CAMSAP2: variants seen among roughly 807,000 people sequenced by gnomAD.
CAMSAP2 encodes the protein calmodulin-regulated spectrin-associated protein 2.
In CAMSAP2, 26 loss-of-function variants were observed where a neutral mutation model predicts 146.1. The observed-to-expected ratio is 0.18, with a 90% CI of 0.13 to 0.25. The LOEUF (loss-of-function observed/expected upper bound fraction) is 0.25. Among genes scored for constraint, CAMSAP2 ranks in the 10% least tolerant of loss-of-function variants. CAMSAP2 has a pLI of 1.00. For missense variants in CAMSAP2, 1,381 were observed against 1,759.3 expected (o/e 0.78, Z 3.85); for synonymous variants, 499 against 596.6 (o/e 0.84, Z 2.38).
chr1:200,774,507 T>G (rs1273658224), intron 2 of CAMSAP2, among the ~76,000 whole-genome samples: 3 of 152,196 alleles, frequency 2.0e-5, no homozygotes, highest in Non-Finnish European at 4.4e-5. Flanking sequence ...GCTAAAACTG[T>G]TAGTTTGTGG....
At chr1:200,742,294 C>G (rs2102982450) in intron 1 of CAMSAP2, among the ~76,000 whole-genome samples, 1 of 152,236 alleles carries the variant, frequency 6.6e-6, no homozygotes, top group East Asian at 1.9e-4. Flanking sequence ...TTGTACAAAT[C>G]TTAATTCATT....
intron 1 of CAMSAP2, among the ~76,000 whole-genome samples, chr1:200,746,964 A>G (rs1228067413): frequency 1.3e-5 from 2 of 152,132 alleles, no homozygotes; most frequent in East Asian, 3.9e-4. Context: ...GGCTGAGTGC[A>G]GTCATGTGAT....
intron 12 of CAMSAP2, among the ~76,000 whole-genome samples, chr1:200,853,000 T>TACAC (rs67551824): frequency 0.11 from 16,746 of 147,466 alleles, 950 homozygotes; most frequent in Middle Eastern, 0.14. Context: ...TCCTGGGAGA[T>TACAC]ACACACACAC....
Position 200,807,465 on chromosome 1 carries a change from G to A in CAMSAP2, c.489G>A (p.Gln163=). 1 of 1,605,684 alleles carries A rather than the reference G, an allele frequency of 6.2e-7. No homozygotes were observed. The part of the protein sequence containing the change: ...SIEKVIACAQ[Q]YSAFFQATDL... ...AAAAAGTAATTGCGTGTGCTCAGCAGTATTCAGCTTTTTTTCAAGCCACAG... is the reference window on the plus strand; with the variant it reads ...AAAAAGTAATTGCGTGTGCTCAGCAATATTCAGCTTTTTTTCAAGCCACAG... Residue 163 remains glutamine, a synonymous_variant, in exon 3 of 17, where the codon CAG becomes CAA. Transcript: ENST00000358823.
intron 3 of CAMSAP2, among the ~76,000 whole-genome samples, chr1:200,815,181 A>T (rs935199235): frequency 6.6e-6 from 1 of 152,174 alleles, no homozygotes; most frequent in African/African-American, 2.4e-5. Flanking sequence ...TAACAACAAC[A>T]TTAATTTTAG....
chr1:200,847,918 G>T, intron 10 of CAMSAP2, 114 bp from the exon 11 acceptor site: 3 of 869,902 alleles, frequency 3.4e-6, no homozygotes, highest in Non-Finnish European at 5.2e-6. Flanking sequence ...AAGACAGTAT[G>T]ATTATGAGAA....
At chr1:200,764,374 A>G (rs1664884164) in intron 2 of CAMSAP2, among the ~76,000 whole-genome samples, 1 of 152,328 alleles carries the variant, frequency 6.6e-6, no homozygotes, top group Admixed American at 6.5e-5. Context: ...TTCCTGTGAA[A>G]TAATATATAT....
At chr1:200,794,489 T>C (rs1665832032) in intron 2 of CAMSAP2, among the ~76,000 whole-genome samples, 1 of 152,220 alleles carries the variant, frequency 6.6e-6, no homozygotes, top group Admixed American at 6.5e-5. Context: ...TATTTATTGC[T>C]GCTGTTTTAG....
Position 200,798,257 on chromosome 1 carries a change from C to T in CAMSAP2, c.400-9119C>T, listed in dbSNP as rs1201540737. ...CATTGAATCTATAAATTACCTTGGG[C>T]AGTATGGCCATTTTCACGATATTGA... is the stretch of plus-strand genomic sequence containing the variant. On this transcript the variant is annotated intron_variant, in intron 2 of 16. Transcript: ENST00000358823. 5.6e-5 allele frequency among the ~76,000 whole-genome samples: 8 copies of T among 143,376 alleles called. No homozygotes were observed. In the East Asian group the frequency reaches 1.5e-3, roughly 28 times the overall value. 94.1% of individuals were successfully genotyped at this position (143,376 alleles called of 152,430 possible).
chr1:200,746,681 T>G (rs1442650500), intron 1 of CAMSAP2, among the ~76,000 whole-genome samples: 4 of 150,814 alleles, frequency 2.7e-5, no homozygotes, highest in South Asian at 2.1e-4. Context: ...TGCAGTGGCG[T>G]GATCTCGGCT....
At chr1:200,807,997 C>T (rs1193554142) in intron 3 of CAMSAP2, among the ~76,000 whole-genome samples, 1 of 152,086 alleles carries the variant, frequency 6.6e-6, no homozygotes, top group Non-Finnish European at 1.5e-5. Flanking sequence ...CCACCTTGGC[C>T]TCCCAAAGTG....
intron 1 of CAMSAP2, among the ~76,000 whole-genome samples, chr1:200,743,546 T>A (rs977649098): frequency 2.0e-5 from 3 of 151,926 alleles, no homozygotes; most frequent in Admixed American, 6.6e-5. Context: ...GATAAGGTCC[T>A]GTGTCTTTGA....
chr1:200,855,533 C>T (rs1009261207), intron 14 of CAMSAP2, among the ~76,000 whole-genome samples: 3 of 152,042 alleles, frequency 2.0e-5, no homozygotes, highest in Non-Finnish European at 2.9e-5. Context: ...AGAATGCTTA[C>T]TATGTTCTAG....
At chr1:200,748,897 T>A (rs1270147988) in intron 1 of CAMSAP2, among the ~76,000 whole-genome samples, 1 of 152,170 alleles carries the variant, frequency 6.6e-6, no homozygotes, top group Non-Finnish European at 1.5e-5. Flanking sequence ...CCTTTATTAT[T>A]TGGTTACCCT....
At position 200,816,897 on chromosome 1, in the gene CAMSAP2, TAC is replaced by T. The variant is rs201060852; in HGVS notation, c.645+1262_645+1263del. Among the ~76,000 whole-genome samples the T allele has an allele frequency of 6.9e-4, 35 of 50,534 alleles. 5 individuals are homozygous for T. The highest frequency in any genetic ancestry group is 1.8e-3 in the South Asian group (2 of 1,130). The allele number at this position is 50,534 out of a possible 152,430, so 33.2% of individuals were successfully genotyped here. The stretch of plus-strand genomic sequence containing the variant: ...ACACACACACGCGTGTGTATGTGTG[TAC>T]ACACACACGCGTGTGTATGTGTGTA... On this transcript the variant is annotated intron_variant, in intron 4 of 16. Coordinates refer to ENST00000358823, the MANE Select transcript of CAMSAP2 (RefSeq NM_203459.4).
In CAMSAP2 at chr1:200,849,328, T is replaced by C. The variant is rs763965896; in HGVS notation, c.2559T>C (p.Thr853=). ...NPQAKWLKSP[T]TPIDPEKQWN... ...AAGCCAAATGGCTAAAGTCTCCAAC[T>C]ACACCTATTGATCCTGAGAAGCAGT... Residue 853 remains threonine (T), a synonymous_variant, in exon 11 of 17, where the codon ACT becomes ACC. Transcript: ENST00000358823. This position sits in a 1 kb window ranked among gnomAD's most constrained non-coding sequence, Gnocchi z 6.3. The C allele has an allele frequency of 3.2e-5, 51 of 1,613,982 alleles. No individual in the cohort carries two copies. Among genetic ancestry groups the C allele is most frequent in the Middle Eastern group, 1.6e-4 (1 of 6,084 alleles).
At chr1:200,750,030 C>A (rs1182722965) in intron 1 of CAMSAP2, among the ~76,000 whole-genome samples, 1 of 152,090 alleles carries the variant, frequency 6.6e-6, no homozygotes, top group Non-Finnish European at 1.5e-5. Context: ...TCATTGGAAA[C>A]CCTTGGGGAT....
rs781693440 is a variant in CAMSAP2, at chr1:200,852,689, T to C, written c.3602+12T>C. ...AAGGAGGAAACAAGGTAAAGGAAAT[T>C]GCTGGCCCAGTGCTAGATCTGAACT... On this transcript the variant is annotated intron_variant, in intron 12 of 16. Transcript: ENST00000358823. 1.2e-5 allele frequency: 19 copies of C among 1,609,948 alleles called. No homozygotes were observed. The Admixed American group carries it at 1.9e-4, about 16-fold the overall frequency.
intron 8 of CAMSAP2, 75 bp downstream of exon 8, chr1:200,844,944 TTAAA>T (rs1461519441): frequency 4.2e-6 from 3 of 714,502 alleles, no homozygotes; most frequent in Non-Finnish European, 6.5e-6. Context: ...TTATATTACA[TTAAA>T]TAAGGTTTTT....
Sources: allele counts gnomAD v4.1 joint callset (sites outside exome capture counted in the v4.1 genomes callset), GRCh38; gene constraint gnomAD v4.1.1; non-coding constraint Gnocchi (gnomAD v3.1); transcripts MANE v1.5; gene names NCBI Gene and HGNC (gene_info 2026-07-23, HGNC 2026-07-21).